ASTN2: variants seen among roughly 807,000 people sequenced by gnomAD.
ASTN2 encodes astrotactin 2, also known as astrotactin-2.
ASTN2 carries 54 observed loss-of-function variants against 139.8 expected under a neutral mutation model. The observed-to-expected ratio is 0.39, with a 90% CI of 0.31 to 0.48. ASTN2 has a LOEUF of 0.48. ASTN2 is among the 20% of genes least tolerant of loss of function. The pLI is 0.95. For synonymous variants in ASTN2, 756 were observed against 719.5 expected, an observed-to-expected ratio of 1.05 and a Z score of -0.81; for missense variants, 1,565 against 1,725.1, an observed-to-expected ratio of 0.91 and a Z score of 1.64.
At chr9:117,103,881 A>G (rs1272951760) in intron 4 of ASTN2, among the ~76,000 whole-genome samples, 3 of 152,112 alleles carry the variant, frequency 2.0e-5, no homozygotes, top group African/African-American at 7.2e-5. Context: ...CACAACTCAC[A>G]ATTGCTCTGA....
intron 2 of ASTN2, among the ~76,000 whole-genome samples, chr9:117,266,097 T>C (rs561881730): frequency 6.6e-6 from 1 of 152,320 alleles, no homozygotes; most frequent in South Asian, 2.1e-4. Flanking sequence ...TTTATACACA[T>C]TCCTGCACTT....
chr9:116,684,931 T>C lies in ASTN2; in HGVS notation c.2807-33138A>G, dbSNP rs559148385. 1.0e-3 allele frequency among the ~76,000 whole-genome samples: 153 copies of C among 152,316 alleles called. 1 individual carries two copies. Among genetic ancestry groups the C allele is most frequent in the African/African-American group, 3.6e-3 (148 of 41,556 alleles). On this transcript the variant is annotated intron_variant, in intron 16 of 22. Transcript: ENST00000313400. ...TTCCTGGGCATAGGCTGAACTAACT[T>C]TGGGAGAAATTTAGTCTGTAGTTCA...
At chr9:116,625,760 C>A (rs1190660463) in intron 17 of ASTN2, among the ~76,000 whole-genome samples, 2 of 152,140 alleles carry the variant, frequency 1.3e-5, no homozygotes, top group African/African-American at 4.8e-5. Flanking sequence ...TACCCACAAG[C>A]CTTTTCTCAT....
At chr9:116,513,298 T>C (rs1023286551) in intron 19 of ASTN2, among the ~76,000 whole-genome samples, 19 of 152,196 alleles carry the variant, frequency 1.2e-4, no homozygotes, top group African/African-American at 4.6e-4. Flanking sequence ...GGGTGGAAAA[T>C]TCTTTTATTT....
chr9:117,214,755 G>A lies in ASTN2; in HGVS notation c.631-13C>T, dbSNP rs774666276. The A allele has an allele frequency of 1.4e-6, 2 of 1,472,692 alleles. No homozygotes were observed. Among genetic ancestry groups the A allele is most frequent in the South Asian group, 1.5e-5 (1 of 67,832 alleles). The allele number at this position is 1,472,692 out of a possible 1,614,324, so 91.2% of individuals were successfully genotyped here. ...CGATGAGGCCACCCTGGAGCAGGAA[G>A]GAAGGACACACAAATGGGCCACTGT... is the stretch of plus-strand genomic sequence containing the variant. On this transcript the variant is annotated splice_polypyrimidine_tract_variant and intron_variant, in intron 2 of 22. Coordinates refer to ENST00000313400, the MANE Select transcript of ASTN2 (RefSeq NM_001365068.1).
At chr9:116,614,276 T>C (rs1480095288) in intron 19 of ASTN2, among the ~76,000 whole-genome samples, 1 of 152,108 alleles carries the variant, frequency 6.6e-6, no homozygotes, top group East Asian at 1.9e-4. Flanking sequence ...AGAATCAATA[T>C]TGTGAAAATT....
At chr9:116,764,555 C>G (rs529495587) in intron 13 of ASTN2, among the ~76,000 whole-genome samples, 1 of 152,312 alleles carries the variant, frequency 6.6e-6, no homozygotes, top group South Asian at 2.1e-4. Context: ...TTTGCAATGA[C>G]AGTTACTCAG....
At chr9:116,454,874 C>T (rs190616625) in intron 20 of ASTN2, among the ~76,000 whole-genome samples, 1 of 152,190 alleles carries the variant, frequency 6.6e-6, no homozygotes. Context: ...GATCATCACA[C>T]ACTGGGGCCT....
chr9:117,269,243 C>T (rs1214865688), intron 2 of ASTN2, among the ~76,000 whole-genome samples: 1 of 152,142 alleles, frequency 6.6e-6, no homozygotes, highest in Non-Finnish European at 1.5e-5. Context: ...GTAATGTATT[C>T]ACAGTAGCTA....
intron 16 of ASTN2, among the ~76,000 whole-genome samples, chr9:116,705,790 G>A (rs918810879): frequency 6.6e-6 from 1 of 152,148 alleles, no homozygotes; most frequent in South Asian, 2.1e-4. Context: ...GGAGTGCCAA[G>A]TGTTTGAGTA....
intron 16 of ASTN2, among the ~76,000 whole-genome samples, chr9:116,678,960 A>C (rs1373264244): frequency 1.3e-5 from 2 of 152,212 alleles, no homozygotes; most frequent in Non-Finnish European, 1.5e-5. Flanking sequence ...TTTGAAGATG[A>C]TTTTCATGTA....
chr9:117,219,595 C>CTTAGTCT (rs1309914587), intron 2 of ASTN2, among the ~76,000 whole-genome samples: 1 of 152,162 alleles, frequency 6.6e-6, no homozygotes, highest in Non-Finnish European at 1.5e-5. Flanking sequence ...ACTGCAAGTT[C>CTTAGTCT]TAGAAATAAT....
intron 10 of ASTN2, among the ~76,000 whole-genome samples, chr9:116,919,635 ACAT>A (rs1348181840): frequency 1.4e-5 from 2 of 147,952 alleles, no homozygotes; most frequent in Non-Finnish European, 3.0e-5. Flanking sequence ...GTTTACAAAA[ACAT>A]CATTTTTTTT....
chr9:116,742,424 G>T (rs1211301658), intron 13 of ASTN2, among the ~76,000 whole-genome samples: 1 of 152,232 alleles, frequency 6.6e-6, no homozygotes, highest in Non-Finnish European at 1.5e-5. Context: ...GTGGCTGAGA[G>T]TTCAGATGGG....
At chr9:116,595,389 G>A (rs1391817841) in intron 19 of ASTN2, among the ~76,000 whole-genome samples, 1 of 152,132 alleles carries the variant, frequency 6.6e-6, no homozygotes, top group Non-Finnish European at 1.5e-5. Context: ...GTGCAGTGGT[G>A]TGATCTCGGC....
intron 13 of ASTN2, among the ~76,000 whole-genome samples, chr9:116,792,602 C>T (rs936407158): frequency 3.9e-5 from 6 of 152,180 alleles, no homozygotes; most frequent in African/African-American, 1.4e-4. Flanking sequence ...CACAAAATAA[C>T]CTTTGCTACA....
In ASTN2 at chr9:116,698,680, C is replaced by T. The variant is rs794727284; in HGVS notation, c.2806+27091G>A. ...GATTCCTGGGCCATGGAGGCCACAGCGTCTGCTGCCTCTACCTCTGTTACT... is the reference window on the plus strand; with the variant it reads ...GATTCCTGGGCCATGGAGGCCACAGTGTCTGCTGCCTCTACCTCTGTTACT... On this transcript the variant is annotated intron_variant, in intron 16 of 22. Transcript: ENST00000313400. This position sits in a 1 kb window ranked among gnomAD's most constrained non-coding sequence, Gnocchi z 4.4. The T allele has an allele frequency of 2.2e-5, 36 of 1,614,034 alleles. No homozygotes were observed. Among genetic ancestry groups the T allele is most frequent in the Admixed American group, 3.3e-5 (2 of 60,008 alleles).
At chr9:117,359,183 C>T (rs1422632559) in intron 1 of ASTN2, among the ~76,000 whole-genome samples, 2 of 152,126 alleles carry the variant, frequency 1.3e-5, no homozygotes, top group African/African-American at 4.8e-5. Context: ...TTCCTAAACC[C>T]GTGCTCTTGA....
intron 1 of ASTN2, among the ~76,000 whole-genome samples, chr9:117,340,171 A>C (rs1420842366): frequency 6.6e-6 from 1 of 151,252 alleles, no homozygotes; most frequent in East Asian, 2.0e-4. Flanking sequence ...CTAAAAATAC[A>C]AAAAAAATTA....
Sources: allele counts gnomAD v4.1 joint callset (sites outside exome capture counted in the v4.1 genomes callset), GRCh38; gene constraint gnomAD v4.1.1; non-coding constraint Gnocchi (gnomAD v3.1); transcripts MANE v1.5; gene names NCBI Gene and HGNC (gene_info 2026-07-23, HGNC 2026-07-21).